Variants in NRXN3 observed in about 807,000 individuals in gnomAD.
NRXN3 encodes neurexin 3, also known as neurexin III.
In NRXN3, 32 loss-of-function variants were observed where a neutral mutation model predicts 137.6. The observed-to-expected ratio is 0.23, with a 90% CI of 0.18 to 0.31. The LOEUF is 0.31. Ranked by LOEUF, NRXN3 falls within the 10% of genes least tolerant of loss-of-function variation. The pLI, the probability that NRXN3 is intolerant of heterozygous loss-of-function variation, is 1.00. For synonymous variants in NRXN3, 798 were observed against 784.5 expected (o/e 1.02, Z -0.29); for missense variants, 1,574 against 2,062.5 (o/e 0.76, Z 4.59).
At chr14:78,675,832 C>T (rs2097998574) in intron 6 of NRXN3, among the ~76,000 whole-genome samples, 1 of 152,108 alleles carries the variant, frequency 6.6e-6, no homozygotes, top group African/African-American at 2.4e-5. Context: ...TTTGCCGCCA[C>T]CTTGCATCAA....
chr14:79,344,763 C>G (rs544269447), intron 15 of NRXN3, among the ~76,000 whole-genome samples: 2 of 152,226 alleles, frequency 1.3e-5, no homozygotes, highest in Admixed American at 1.3e-4. Flanking sequence ...AAATATTCCT[C>G]TTACTAAAAA....
At chr14:78,760,034 CTT>C (rs61320632) in intron 8 of NRXN3, among the ~76,000 whole-genome samples, 4 of 86,706 alleles carry the variant, frequency 4.6e-5, no homozygotes, top group Admixed American at 1.3e-4. Flanking sequence ...AGCCTGCAGT[CTT>C]TTTTTTTTTT....
intron 15 of NRXN3, among the ~76,000 whole-genome samples, chr14:79,415,622 C>G (rs1190533930): frequency 6.6e-6 from 1 of 152,096 alleles, no homozygotes; most frequent in Non-Finnish European, 1.5e-5. Flanking sequence ...TTTCTTAATG[C>G]ATTCATGTAT....
intron 19 of NRXN3, among the ~76,000 whole-genome samples, chr14:79,744,475 T>C (rs897802546): frequency 5.3e-5 from 8 of 152,208 alleles, no homozygotes; most frequent in African/African-American, 1.9e-4. Context: ...ACATCTAAAG[T>C]AGTGTGAGCC....
intron 15 of NRXN3, among the ~76,000 whole-genome samples, chr14:79,379,590 C>G (rs150959353): frequency 1.3e-5 from 2 of 152,166 alleles, no homozygotes; most frequent in Admixed American, 6.5e-5. Flanking sequence ...ATTTTCAGAG[C>G]TGTGACGGCA....
intron 4 of NRXN3, among the ~76,000 whole-genome samples, chr14:78,337,042 A>AT (rs1209875919): frequency 6.6e-6 from 1 of 151,922 alleles, no homozygotes; most frequent in Non-Finnish European, 1.5e-5. Context: ...GCCCCTTTCT[A>AT]TTTTTTTTGT....
At chr14:79,342,420 A>G (rs999218464) in intron 15 of NRXN3, among the ~76,000 whole-genome samples, 3 of 151,922 alleles carry the variant, frequency 2.0e-5, no homozygotes, top group Admixed American at 6.6e-5. Context: ...GTGCTATTAC[A>G]TTTAAGGACT....
intron 10 of NRXN3, among the ~76,000 whole-genome samples, chr14:78,847,724 C>A (rs2099031330): frequency 6.6e-6 from 1 of 152,090 alleles, no homozygotes; most frequent in Admixed American, 6.6e-5. Context: ...TACCCTTCCC[C>A]TTTTATCCCC....
chr14:78,464,512 C>T (rs2095038546), intron 4 of NRXN3, among the ~76,000 whole-genome samples: 1 of 152,182 alleles, frequency 6.6e-6, no homozygotes, highest in South Asian at 2.1e-4. Context: ...ATTAGATTCT[C>T]TGAAGGCTTA....
chr14:78,282,269 T>C (rs2074511041), intron 3 of NRXN3: 1 of 428,780 alleles, frequency 2.3e-6, no homozygotes, highest in South Asian at 1.6e-5. Context: ...TTGCCTGTTC[T>C]AGAACTCTCT....
intron 19 of NRXN3, among the ~76,000 whole-genome samples, chr14:79,803,969 A>G (rs1028364066): frequency 6.9e-6 from 1 of 145,234 alleles, no homozygotes; most frequent in African/African-American, 2.6e-5. Context: ...ATATATATGT[A>G]TGTATGTATG....
At chr14:79,781,192 C>A (rs567654923) in intron 19 of NRXN3, among the ~76,000 whole-genome samples, 8 of 152,074 alleles carry the variant, frequency 5.3e-5, no homozygotes, top group Admixed American at 5.2e-4. Flanking sequence ...TTCAGTCTTT[C>A]CGCTTATCTA....
chr14:79,006,329 AAAAC>A (rs145506734), intron 15 of NRXN3, among the ~76,000 whole-genome samples: 6,476 of 151,180 alleles, frequency 0.043, 337 homozygotes, highest in African/African-American at 0.13. Context: ...TAAATGGCAA[AAAAC>A]AAACAAACAA....
intron 10 of NRXN3, among the ~76,000 whole-genome samples, chr14:78,860,389 A>G (rs796494208): frequency 1.5e-4 from 23 of 152,250 alleles, no homozygotes; most frequent in African/African-American, 5.5e-4. Flanking sequence ...CCTCCATCTT[A>G]TATAAACCTT....
chr14:78,679,290 C>T (rs1387366301), intron 6 of NRXN3, among the ~76,000 whole-genome samples: 3 of 152,138 alleles, frequency 2.0e-5, no homozygotes, highest in Non-Finnish European at 4.4e-5. Context: ...ATTCTCATCA[C>T]AGAATGTCCT....
intron 20 of NRXN3, chr14:79,823,984 G>C (rs1330198241): frequency 2.4e-6 from 1 of 421,146 alleles, no homozygotes; most frequent in East Asian, 7.4e-5. Context: ...TTACCAGAAA[G>C]TTTAAAATTT....
chr14:79,394,017 T>C (rs2094939653), intron 15 of NRXN3, among the ~76,000 whole-genome samples: 1 of 152,150 alleles, frequency 6.6e-6, no homozygotes, highest in African/African-American at 2.4e-5. Flanking sequence ...GCTAATTGAA[T>C]TAGTTATTTC....
intron 4 of NRXN3, among the ~76,000 whole-genome samples, chr14:78,412,829 C>T (rs1195554802): frequency 6.6e-6 from 1 of 152,138 alleles, no homozygotes; most frequent in Non-Finnish European, 1.5e-5. Context: ...CTTTGTTGGC[C>T]ATTACTCTTC....
Position 79,280,017 on chromosome 14 carries a change from G to A in NRXN3, c.3263-187204G>A, listed in dbSNP as rs989167372. On this transcript the variant is annotated intron_variant, in intron 15 of 20. Coordinates refer to ENST00000335750, the MANE Select transcript of NRXN3 (RefSeq NM_001330195.2). ...GACATGCGTGGCATGCCGGGGCTCC[G>A]TAGGAGGTTTGCTATACCTGGGAGG... 3.2e-6 allele frequency: 4 copies of A among 1,232,170 alleles called. No individual in the cohort carries two copies. In the African/African-American group the frequency reaches 4.6e-5, roughly 14 times the overall value. The allele number at this position is 1,232,170 out of a possible 1,614,324, so 76.3% of individuals were successfully genotyped here. A position where few individuals can be genotyped will look rare whatever the true frequency, so the allele number is the denominator to read the frequency against.
Sources: allele counts gnomAD v4.1 joint callset (sites outside exome capture counted in the v4.1 genomes callset), GRCh38; gene constraint gnomAD v4.1.1; transcripts MANE v1.5; gene names NCBI Gene and HGNC (gene_info 2026-07-23, HGNC 2026-07-21).